SBNO1: variants seen among roughly 807,000 people sequenced by gnomAD.
SBNO1 encodes the protein protein strawberry notch homolog 1.
Under a neutral mutation model 173.6 loss-of-function variants are expected in SBNO1, and 23 were observed. That is an observed-to-expected ratio of 0.13 (90% confidence interval 0.10 to 0.19). SBNO1 has a LOEUF of 0.19. Ranked by LOEUF, SBNO1 falls within the 10% of genes least tolerant of loss-of-function variation. The pLI, the probability that SBNO1 is intolerant of heterozygous loss-of-function variation, is 1.00. For synonymous variants in SBNO1, 632 were observed against 571.5 expected (o/e 1.11, Z -1.51); for missense variants, 1,238 against 1,671.2 (o/e 0.74, Z 4.52).
chr12:123,322,128 A>C (rs1030890950), intron 16 of SBNO1, among the ~76,000 whole-genome samples: 5 of 152,164 alleles, frequency 3.3e-5, no homozygotes, highest in African/African-American at 7.2e-5. Context: ...ATAGAAAATC[A>C]ATTTATAAAA....
chr12:123,321,057 A>G (rs1363334870), intron 17 of SBNO1, among the ~76,000 whole-genome samples, 191 bp from the exon 18 acceptor site: 1 of 152,182 alleles, frequency 6.6e-6, no homozygotes, highest in Non-Finnish European at 1.5e-5. Flanking sequence ...CTCCTGCCTC[A>G]GCCTCCTGAG....
intron 4 of SBNO1, among the ~76,000 whole-genome samples, chr12:123,343,132 C>T (rs1258381407): frequency 6.6e-6 from 1 of 152,100 alleles, no homozygotes; most frequent in Non-Finnish European, 1.5e-5. Context: ...ATTTGGGAGG[C>T]TGAAGCAGGA....
intron 30 of SBNO1, among the ~76,000 whole-genome samples, chr12:123,301,921 A>G (rs959043645): frequency 6.6e-6 from 1 of 151,458 alleles, no homozygotes; most frequent in Non-Finnish European, 1.5e-5. Flanking sequence ...GGAGAGTGAC[A>G]GAAGGAGGGC....
chr12:123,314,300 GGGAT>G (rs1310832983), intron 23 of SBNO1, among the ~76,000 whole-genome samples: 1 of 150,398 alleles, frequency 6.6e-6, no homozygotes, highest in Non-Finnish European at 1.5e-5. Flanking sequence ...CCAAGTAGCT[GGGAT>G]TATAGGTGCC....
intron 25 of SBNO1, among the ~76,000 whole-genome samples, 195 bp downstream of exon 25, chr12:123,310,860 A>T (rs1487539457): frequency 1.3e-5 from 2 of 152,170 alleles, no homozygotes; most frequent in African/African-American, 4.8e-5. Context: ...AAAGCTTGAG[A>T]GCTGATCATA....
At chr12:123,330,599 TAAAAAAA>T (rs62719360) in intron 8 of SBNO1, 90 bp from the exon 9 acceptor site, 2 of 506,040 alleles carry the variant, frequency 4.0e-6, no homozygotes, top group Non-Finnish European at 6.6e-6. Flanking sequence ...TCTTGACACT[TAAAAAAA>T]AAAAAAAAAA....
At chr12:123,328,985 T>G in intron 9 of SBNO1, 90 bp from the exon 10 acceptor site, 1 of 731,124 alleles carries the variant, frequency 1.4e-6, no homozygotes, top group Non-Finnish European at 2.1e-6. Flanking sequence ...GCAGGAACTC[T>G]TGTTAGGCCC....
At chr12:123,320,180 C>A (rs1202716668) in intron 19 of SBNO1, 149 bp from the exon 20 acceptor site, 8 of 957,514 alleles carry the variant, frequency 8.4e-6, no homozygotes, top group African/African-American at 1.6e-5. Context: ...AACAGAGTCC[C>A]TGGAAAAACC....
Position 123,345,455 on chromosome 12 carries a change from A to G in SBNO1, c.353T>C (p.Ile118Thr). 1 of 1,614,172 alleles carries G rather than the reference A, an allele frequency of 6.2e-7. No individual in the cohort carries two copies. Among genetic ancestry groups the G allele is most frequent in the Non-Finnish European group, 8.5e-7 (1 of 1,180,040 alleles). Residue 118 changes from isoleucine to threonine, a missense_variant, in exon 4 of 32, where the codon ATC (isoleucine) becomes ACC (threonine). Coordinates refer to ENST00000602398, the MANE Select transcript of SBNO1 (RefSeq NM_001167856.3). ...TPPVTTNRQTITLTKFIQTTA... is the reference protein window; with the variant it reads ...TPPVTTNRQTTTLTKFIQTTA... ...AGTCTGGATAAACTTAGTTAAAGTGATGGTTTGCCTGTTGGTTGTTACAGG... is the reference window on the plus strand; with the variant it reads ...AGTCTGGATAAACTTAGTTAAAGTGGTGGTTTGCCTGTTGGTTGTTACAGG...
chr12:123,339,262 T>A (rs1288291849), intron 5 of SBNO1, among the ~76,000 whole-genome samples: 1 of 151,768 alleles, frequency 6.6e-6, no homozygotes, highest in Non-Finnish European at 1.5e-5. Context: ...TGTACAGTCA[T>A]CTCTTTTTTT....
rs1441585342 is a variant in SBNO1 at position 123,346,083 on chromosome 12, T to C, written c.238-513A>G. ...TAACCCTTTCTATAACTGTCAGGGA[T>C]GGCAAGCATAAAATGGAACTATCCC... On this transcript the variant is annotated intron_variant, in intron 3 of 31. Coordinates refer to ENST00000602398, the MANE Select transcript of SBNO1 (RefSeq NM_001167856.3). 2.0e-5 allele frequency among the ~76,000 whole-genome samples: 3 copies of C among 152,198 alleles called. No homozygotes were observed. In the South Asian group the frequency reaches 6.2e-4, roughly 32 times the overall value.
chr12:123,357,076 T>G (rs758371246), intron 1 of SBNO1, among the ~76,000 whole-genome samples: 2 of 150,306 alleles, frequency 1.3e-5, no homozygotes, highest in African/African-American at 5.0e-5. Flanking sequence ...CTGTGTGCAG[T>G]AGACACTTAA....
At chr12:123,297,933 C>A (rs374279775) in intron 31 of SBNO1, 45 bp downstream of exon 31, 6 of 1,575,812 alleles carry the variant, frequency 3.8e-6, no homozygotes, top group South Asian at 1.1e-5. Flanking sequence ...AAAGTCGGAT[C>A]CGATTTTTTC....
At chr12:123,350,578 A>T (rs1324076387) in intron 1 of SBNO1, 137 bp from the exon 2 acceptor site, 1 of 714,046 alleles carries the variant, frequency 1.4e-6, no homozygotes, top group Admixed American at 2.3e-5. Context: ...CATGTCTCAG[A>T]CAAAGAGGAT....
chr12:123,332,896 G>A (rs1469604793), intron 7 of SBNO1, among the ~76,000 whole-genome samples: 1 of 152,116 alleles, frequency 6.6e-6, no homozygotes, highest in Non-Finnish European at 1.5e-5. Flanking sequence ...AGGCCGAGAT[G>A]GGTGGATCAT....
At chr12:123,346,576 A>C (rs1287129867) in intron 3 of SBNO1, among the ~76,000 whole-genome samples, 1 of 152,164 alleles carries the variant, frequency 6.6e-6, no homozygotes, top group Non-Finnish European at 1.5e-5. Context: ...AGGCAGGAGA[A>C]TGGCCTGAAC....
chr12:123,295,593 G>C lies in SBNO1; in HGVS notation c.*315C>G, dbSNP rs543122990. 4.5e-4 allele frequency: 114 copies of C among 252,768 alleles called. 1 individual carries two copies. Among genetic ancestry groups the C allele is most frequent in the African/African-American group, 2.4e-3 (111 of 46,038 alleles). The allele number at this position is 252,768 out of a possible 1,614,324, so 15.7% of individuals were successfully genotyped here. ...AAGTTCCAAGCATTTTAAACCAACT[G>C]TGGTCTGTAGCCTTTAACACACTCA... is the stretch of plus-strand genomic sequence containing the variant. On this transcript the variant is annotated 3_prime_UTR_variant, in exon 32 of 32. Coordinates refer to ENST00000602398, the MANE Select transcript of SBNO1 (RefSeq NM_001167856.3).
chr12:123,298,042 G>C lies in SBNO1; in HGVS notation c.3975C>G (p.Val1325=), dbSNP rs1321417622. The change falls in exon 31 of 32, where the codon GTC becomes GTG. Residue 1325 remains valine (V), a synonymous_variant. Coordinates refer to ENST00000602398, the MANE Select transcript of SBNO1 (RefSeq NM_001167856.3). ...WTKVEGVLAS[V]SGTNVKMQIV... is the part of the protein sequence containing the mutation. ...TCTGCATCTTCACGTTTGTGCCACT[G>C]ACAGATGCTAGAACACCCTCAACTT... 1 of 1,613,898 alleles carries C rather than the reference G, an allele frequency of 6.2e-7. No homozygotes were observed. Among genetic ancestry groups the C allele is most frequent in the African/African-American group, 1.3e-5 (1 of 74,916 alleles).
At chr12:123,339,257 A>G (rs1225541235) in intron 5 of SBNO1, among the ~76,000 whole-genome samples, 1 of 151,934 alleles carries the variant, frequency 6.6e-6, no homozygotes, top group Admixed American at 6.6e-5. Context: ...CGTTATGTAC[A>G]GTCATCTCTT....
Sources: allele counts gnomAD v4.1 joint callset (sites outside exome capture counted in the v4.1 genomes callset), GRCh38; gene constraint gnomAD v4.1.1; transcripts MANE v1.5; gene names NCBI Gene and HGNC (gene_info 2026-07-23, HGNC 2026-07-21).